NCAM1: variants seen among roughly 807,000 people sequenced by gnomAD.
NCAM1 encodes neural cell adhesion molecule 1.
NCAM1 carries 14 observed loss-of-function variants against 109.8 expected under a neutral mutation model. The observed-to-expected ratio is 0.13, with a 90% confidence interval of 0.08 to 0.20. NCAM1 has a LOEUF of 0.20. Among genes scored for constraint, NCAM1 ranks in the 10% least tolerant of loss-of-function variants. The pLI is 1.00. For synonymous variants in NCAM1, 418 were observed against 442.9 expected (o/e 0.94, Z 0.70); for missense variants, 774 against 1,109.9 (o/e 0.70, Z 4.30).
chr11:113,128,617 A>T (rs1336481067), intron 1 of NCAM1, among the ~76,000 whole-genome samples: 1 of 152,260 alleles, frequency 6.6e-6, no homozygotes, highest in East Asian at 1.9e-4. Context: ...CTTCATAGGC[A>T]TGCCCCCTCC....
intron 1 of NCAM1, among the ~76,000 whole-genome samples, chr11:113,020,879 C>T (rs1435932098): frequency 2.6e-5 from 4 of 152,086 alleles, no homozygotes; most frequent in African/African-American, 9.7e-5. Flanking sequence ...GCCTCAGCCT[C>T]TTGAGTAGCT....
intron 1 of NCAM1, among the ~76,000 whole-genome samples, chr11:113,032,940 C>T (rs1555078547): frequency 6.6e-6 from 1 of 152,156 alleles, no homozygotes; most frequent in African/African-American, 2.4e-5. Context: ...ATTTTTCCCC[C>T]TCAATAAATT....
intron 17 of NCAM1, among the ~76,000 whole-genome samples, chr11:113,262,558 C>G (rs561706009): frequency 2.6e-5 from 4 of 152,200 alleles, no homozygotes; most frequent in Middle Eastern, 3.2e-3. Context: ...TCTGAACTGG[C>G]CTTATGGTAT....
At position 113,226,843 on chromosome 11, in the gene NCAM1, C is replaced by T. The variant is rs56855960; in HGVS notation, c.1090-4802C>T. On this transcript the variant is annotated intron_variant, in intron 9 of 19. Coordinates refer to ENST00000316851, the MANE Select transcript of NCAM1 (RefSeq NM_181351.5). ...TCCTGAATGACTACTGGGTACATAA[C>T]GAAATGAAGGCAGAAATAAAGAAGT... 2.4e-4 allele frequency among the ~76,000 whole-genome samples: 37 copies of T among 152,148 alleles called. No homozygotes were observed. In the East Asian group the frequency reaches 6.2e-3, roughly 25 times the overall value.
chr11:113,121,388 T>C (rs1940950399), intron 1 of NCAM1, among the ~76,000 whole-genome samples: 1 of 151,606 alleles, frequency 6.6e-6, no homozygotes, highest in African/African-American at 2.4e-5. Flanking sequence ...ACCCCGCTAA[T>C]TTTTGAATTT....
chr11:112,974,170 G>A (rs945757868), intron 1 of NCAM1, among the ~76,000 whole-genome samples: 23 of 152,184 alleles, frequency 1.5e-4, no homozygotes, highest in Admixed American at 5.2e-4. Flanking sequence ...GAATGAAGAA[G>A]TAACGGAAAG....
At chr11:113,266,703 G>A (rs1326468303) in intron 17 of NCAM1, among the ~76,000 whole-genome samples, 2 of 152,192 alleles carry the variant, frequency 1.3e-5, no homozygotes, top group Non-Finnish European at 2.9e-5. Flanking sequence ...GCTACAGGTG[G>A]AGATATATTG....
At chr11:113,194,910 A>G (rs1943808453) in intron 1 of NCAM1, among the ~76,000 whole-genome samples, 1 of 152,232 alleles carries the variant, frequency 6.6e-6, no homozygotes, top group African/African-American at 2.4e-5. Context: ...TTAGGTTTAA[A>G]TAGGAATGAG....
intron 14 of NCAM1, 169 bp from the exon 15 acceptor site, chr11:113,246,199 G>A (rs1033755834): frequency 1.8e-6 from 1 of 550,654 alleles, no homozygotes; most frequent in Admixed American, 3.1e-5. Flanking sequence ...CTGTGATTTT[G>A]TTGTTGATTT....
At chr11:113,180,833 T>G (rs1555107837) in intron 1 of NCAM1, among the ~76,000 whole-genome samples, 2 of 152,220 alleles carry the variant, frequency 1.3e-5, no homozygotes, top group Non-Finnish European at 2.9e-5. Flanking sequence ...CCTCCAGCTC[T>G]TCGTCTGTAT....
chr11:113,263,539 T>C (rs1221229859), intron 17 of NCAM1: 1 of 985,862 alleles, frequency 1.0e-6, no homozygotes. Flanking sequence ...GGATATTTTC[T>C]GGGGCTGATG....
At chr11:113,251,396 C>T (rs772974904) in intron 15 of NCAM1, among the ~76,000 whole-genome samples, 5 of 152,136 alleles carry the variant, frequency 3.3e-5, no homozygotes, top group South Asian at 2.1e-4. Context: ...AACCTGCAAT[C>T]GGCATGGCCA....
At chr11:113,246,981 C>G (rs1361281458) in intron 15 of NCAM1, among the ~76,000 whole-genome samples, 3 of 152,140 alleles carry the variant, frequency 2.0e-5, no homozygotes, top group Admixed American at 2.0e-4. Context: ...GGCCCTCCCC[C>G]AGGGAGGGGG....
chr11:113,138,089 C>G (rs1313978924), intron 1 of NCAM1, among the ~76,000 whole-genome samples: 1 of 152,140 alleles, frequency 6.6e-6, no homozygotes, highest in Admixed American at 6.5e-5. Flanking sequence ...TGGGTGATTA[C>G]AGCAGAGAGC....
At chr11:113,181,211 G>A (rs1472845322) in intron 1 of NCAM1, among the ~76,000 whole-genome samples, 6 of 152,196 alleles carry the variant, frequency 3.9e-5, no homozygotes, top group African/African-American at 7.2e-5. Flanking sequence ...CTGTGGTGTG[G>A]GAGAGCCCTG....
chr11:112,974,406 G>A (rs1463884757), intron 1 of NCAM1, among the ~76,000 whole-genome samples: 1 of 152,010 alleles, frequency 6.6e-6, no homozygotes, highest in Non-Finnish European at 1.5e-5. Context: ...ACCCTGAAGA[G>A]CTGTGGGGCT....
chr11:113,235,284 T>C (rs1945131995), intron 14 of NCAM1, 120 bp downstream of exon 14: 13 of 1,595,816 alleles, frequency 8.1e-6, no homozygotes, highest in South Asian at 1.1e-5. Flanking sequence ...TTCAGATCCC[T>C]CTGCTCCTGG....
intron 1 of NCAM1, among the ~76,000 whole-genome samples, chr11:113,122,461 T>C (rs1941006443): frequency 6.6e-6 from 1 of 152,196 alleles, no homozygotes; most frequent in South Asian, 2.1e-4. Context: ...TTGAACATTT[T>C]TGGTGGAACC....
At chr11:113,240,702 G>T in intron 14 of NCAM1, 1 of 1,289,426 alleles carries the variant, frequency 7.8e-7, no homozygotes, top group Non-Finnish European at 1.1e-6. Flanking sequence ...TGATGCCCCA[G>T]GGTTGTTGCT....
Sources: allele counts gnomAD v4.1 joint callset (sites outside exome capture counted in the v4.1 genomes callset), GRCh38; gene constraint gnomAD v4.1.1; transcripts MANE v1.5; gene names NCBI Gene and HGNC (gene_info 2026-07-23, HGNC 2026-07-21).